Variants in CCNQ observed in about 807,000 individuals in gnomAD.
The protein encoded by CCNQ is cyclin Q.
CCNQ carries 3 observed loss-of-function variants against 17.7 expected under a neutral mutation model. The observed-to-expected ratio is 0.17, with a 90% confidence interval of 0.08 to 0.44. The LOEUF (loss-of-function observed/expected upper bound fraction) is 0.44, where lower values mean the gene tolerates loss of function less well. Ranked by LOEUF, CCNQ falls within the 20% of genes least tolerant of loss-of-function variation. The pLI is 0.99. For missense variants in CCNQ, 146 were observed against 222.6 expected, an observed-to-expected ratio of 0.66 and a Z score of 2.19; for synonymous variants, 73 against 96.0, an observed-to-expected ratio of 0.76 and a Z score of 1.40.
chrX:153,595,945 C>A, intron 2 of CCNQ, 59 bp downstream of exon 2: 1 of 1,182,948 alleles, frequency 8.5e-7, no homozygotes, highest in Non-Finnish European at 1.2e-6. Flanking sequence ...CCCATAGGAG[C>A]CTTCCCTGCC....
At position 153,592,634 on chromosome X, in the gene CCNQ, T is replaced by C; in HGVS notation, c.529A>G (p.Ser177Gly). Residue 177 changes from serine (S) to glycine (G), a missense_variant, in exon 4 of 5, where the codon AGC becomes GGC. Ser to Gly is a moderately conservative substitution (Grantham distance 56, BLOSUM62 0). Transcript: ENST00000576892. Reference protein sequence around the residue: ...AVTAWALLRDSYHGALCLRFQ... With the variant: ...AVTAWALLRDGYHGALCLRFQ... ...CGGAGGCACAGCGCCCCATGGTAGC[T>C]GTCCCGCAGCAGGGCCCAGGCGGTG... The C allele has an allele frequency of 8.3e-7, 1 of 1,211,111 alleles. No homozygotes were observed. Among genetic ancestry groups the C allele is most frequent in the Non-Finnish European group, 1.1e-6 (1 of 895,022 alleles).
rs1244381663 is a variant in CCNQ at position 153,588,143 on chromosome X, G to A, written c.*222C>T. On this transcript the variant is annotated 3_prime_UTR_variant, in exon 5 of 5. Transcript: ENST00000576892. ...GGTCAGCTGCACACAGTACACTCCC[G>A]GCCTGCCCGCTGGAGGCGCGGCTCC... The A allele has an allele frequency of 1.5e-5, 8 of 518,004 alleles. No individual in the cohort carries two copies. The highest frequency in any genetic ancestry group is 2.3e-5 in the African/African-American group (1 of 43,547). The allele number at this position is 518,004 out of a possible 1,213,427, so 42.7% of individuals were successfully genotyped here. A position where few individuals can be genotyped will look rare whatever the true frequency, so the allele number is the denominator to read the frequency against.
At chrX:153,594,417 G>T in intron 3 of CCNQ, 130 bp downstream of exon 3, 1 of 920,818 alleles carries the variant, frequency 1.1e-6, no homozygotes, top group Non-Finnish European at 1.6e-6. Context: ...AGGAGACCCA[G>T]TTCCCAGCCG....
Position 153,588,005 on chromosome X carries a change from A to G in CCNQ, c.*360T>C. On this transcript the variant is annotated 3_prime_UTR_variant, in exon 5 of 5. Transcript: ENST00000576892. ...ATTCTCCCTACAAATCTGGCTTTTAAGAAATCCGTAGGGATTCAGTCTCAT... is the reference window on the plus strand; with the variant it reads ...ATTCTCCCTACAAATCTGGCTTTTAGGAAATCCGTAGGGATTCAGTCTCAT... 2.8e-6 allele frequency: 1 copy of G among 353,845 alleles called. No individual in the cohort carries two copies. The highest frequency in any genetic ancestry group is 5.1e-6 in the Non-Finnish European group (1 of 197,228). 29.2% of individuals were successfully genotyped at this position (353,845 alleles called of 1,213,427 possible).
chrX:153,595,913 G>A, intron 2 of CCNQ, 91 bp downstream of exon 2: 1 of 1,058,473 alleles, frequency 9.4e-7, no homozygotes, highest in East Asian at 3.0e-5. Context: ...AAGCTCCATT[G>A]CTGGCACCTG....
intron 4 of CCNQ, among the ~76,000 whole-genome samples, chrX:153,590,231 TAAAAAAAAAA>T (rs59053078): frequency 1.5e-4 from 4 of 26,451 alleles, no homozygotes; most frequent in African/African-American, 3.5e-4. Context: ...CTGTCTCTAT[TAAAAAAAAAA>T]AAAAAAAAAA....
At position 153,590,816 on chromosome X, in the gene CCNQ, C is replaced by G. The variant is rs782495854; in HGVS notation, c.657+1690G>C. Among the ~76,000 whole-genome samples the G allele has an allele frequency of 9.5e-4, 106 of 112,039 alleles. 1 individual carries two copies. Among genetic ancestry groups the G allele is most frequent in the African/African-American group, 3.3e-3 (102 of 30,874 alleles). On this transcript the variant is annotated intron_variant, in intron 4 of 4. Transcript: ENST00000576892. ...CTCTGCCTTTTTGAGGGCAGTCCATCTGCTTATAAGACAAAAAGCAGCAGT... is the reference window on the plus strand; with the variant it reads ...CTCTGCCTTTTTGAGGGCAGTCCATGTGCTTATAAGACAAAAAGCAGCAGT...
chrX:153,592,557 G>C lies in CCNQ; in HGVS notation c.606C>G (p.Val202=). The C allele has an allele frequency of 7.4e-6, 9 of 1,212,195 alleles. No individual in the cohort carries two copies. The highest frequency in any genetic ancestry group is 8.9e-6 in the Non-Finnish European group (8 of 895,585). The stretch of plus-strand genomic sequence containing the variant: ...CCTCGGCGGGCACCTCAACTCCGTA[G>C]ACCTGCAGGGCCAGGTAGAGCACCG... ...AVAVLYLALQ[V]YGVEVPAEVE... is the part of the protein sequence containing the mutation. The change falls in exon 4 of 5, where the codon GTC becomes GTG. Residue 202 remains valine, a synonymous_variant. Transcript: ENST00000576892.
intron 3 of CCNQ, 129 bp downstream of exon 3, chrX:153,594,418 T>G: frequency 1.1e-6 from 1 of 920,871 alleles, no homozygotes; most frequent in Non-Finnish European, 1.6e-6. Context: ...GGAGACCCAG[T>G]TCCCAGCCGC....
At chrX:153,591,857 G>A (rs953704249) in intron 4 of CCNQ, among the ~76,000 whole-genome samples, 1 of 107,876 alleles carries the variant, frequency 9.3e-6, no homozygotes, top group Non-Finnish European at 1.9e-5. Flanking sequence ...ACAGCTGACT[G>A]GGGATACGAG....
chrX:153,588,386 G>A lies in CCNQ; in HGVS notation c.726C>T (p.Thr242=), dbSNP rs1557025048. The A allele has an allele frequency of 8.3e-7, 1 of 1,208,269 alleles. No individual in the cohort carries two copies. Among genetic ancestry groups the A allele is most frequent in the African/African-American group, 1.7e-5 (1 of 57,430 alleles). The change falls in exon 5 of 5, where the codon ACC becomes ACT. Residue 242 remains threonine (T), a synonymous_variant. Transcript: ENST00000576892. ...NIVSDLIQIY[T]MDTEIP ...GACCTTAGGGGATCTCTGTGTCCAT[G>A]GTATAAATCTGAATGAGATCAGACA... is the stretch of plus-strand genomic sequence containing the variant.
rs183758563 is a variant in CCNQ, at chrX:153,594,590, A to C, written c.386T>G (p.Leu129Arg). 8.3e-7 allele frequency: 1 copy of C among 1,209,623 alleles called. No individual in the cohort carries two copies. The highest frequency in any genetic ancestry group is 2.2e-5 in the Admixed American group (1 of 45,887). Residue 129 changes from leucine (L) to arginine (R), a missense_variant, in exon 3 of 5, where the codon CTG (leucine) becomes CGG (arginine). Physicochemically the swap from Leu to Arg is moderately radical, Grantham distance 102 (BLOSUM62 -2). Transcript: ENST00000576892. ...DSIVQCELLM[L>R]RVLRFQVSFQ... ...GGAGACCTGGAAGCGCAGAACTCTC[A>C]GCATGAGAAGCTCACACTGCACGAT...
Position 153,599,053 on chromosome X carries a change from G to A in CCNQ, c.21C>T (p.Gly7=), listed in dbSNP as rs1557027832. 3 of 1,066,855 alleles carry A rather than the reference G, an allele frequency of 2.8e-6. No individual in the cohort carries two copies. The highest frequency in any genetic ancestry group is 4.6e-5 in the South Asian group (2 of 43,292). The allele number at this position is 1,066,855 out of a possible 1,213,427, so 87.9% of individuals were successfully genotyped here. The change falls in exon 1 of 5, where the codon GGC becomes GGT. Residue 7 remains glycine (G), a synonymous_variant. Transcript: ENST00000576892. ...GGCCCCGCGCTGCAGGCCCCCCTCCGCCGCCCTCCGGGGCTTCCATGAGGC... is the reference window on the plus strand; with the variant it reads ...GGCCCCGCGCTGCAGGCCCCCCTCCACCGCCCTCCGGGGCTTCCATGAGGC... MEAPEG[G]GGGPAARGPE... is the part of the protein sequence containing the mutation.
At chrX:153,595,613 A>C (rs1172857175) in intron 2 of CCNQ, among the ~76,000 whole-genome samples, 3 of 112,795 alleles carry the variant, frequency 2.7e-5, no homozygotes, top group Admixed American at 9.3e-5. Flanking sequence ...GCTCCTAAGC[A>C]ACTGGGACCT....
intron 4 of CCNQ, among the ~76,000 whole-genome samples, chrX:153,590,367 T>G (rs1404452545): frequency 9.1e-6 from 1 of 109,507 alleles, no homozygotes; most frequent in Non-Finnish European, 1.9e-5. Flanking sequence ...AGAAAGGACA[T>G]TCTGAGACGG....
rs1168575172 is a variant in CCNQ, at chrX:153,594,532, T to C, written c.429+15A>G. The C allele has an allele frequency of 2.5e-6, 3 of 1,208,209 alleles. No individual in the cohort carries two copies. In the African/African-American group the frequency reaches 5.2e-5, roughly 21 times the overall value. ...TTGAGCCTCTCCAAACAGGCACCAG[T>C]TCCCCAGTATGTACCTTGTGTGGAT... On this transcript the variant is annotated intron_variant, in intron 3 of 4. Transcript: ENST00000576892.
intron 4 of CCNQ, among the ~76,000 whole-genome samples, chrX:153,591,809 C>T (rs963689584): frequency 1.8e-5 from 2 of 108,933 alleles, no homozygotes; most frequent in Admixed American, 1.0e-4. Flanking sequence ...CAGGGAGGCG[C>T]GGGAGACTGG....
intron 4 of CCNQ, among the ~76,000 whole-genome samples, chrX:153,589,387 G>A (rs1265981864): frequency 7.1e-5 from 8 of 112,998 alleles, no homozygotes; most frequent in Non-Finnish European, 9.4e-5. Flanking sequence ...GCGAGGAGCC[G>A]CTGAAGCTCA....
Position 153,590,375 on chromosome X carries a change from C to A in CCNQ, c.658-1921G>T, listed in dbSNP as rs782000212. Among the ~76,000 whole-genome samples, 7 of 109,970 alleles carry A rather than the reference C, an allele frequency of 6.4e-5. No homozygotes were observed. The South Asian group carries it at 2.7e-3, about 43-fold the overall frequency. The stretch of plus-strand genomic sequence containing the variant: ...CATCAAAAGAAAGGACATTCTGAGA[C>A]GGGGGCTCCAACATTGTGCTCAGCA... On this transcript the variant is annotated intron_variant, in intron 4 of 4. Transcript: ENST00000576892.
Sources: allele counts gnomAD v4.1 joint callset (sites outside exome capture counted in the v4.1 genomes callset), GRCh38; gene constraint gnomAD v4.1.1; transcripts MANE v1.5; gene names NCBI Gene and HGNC (gene_info 2026-07-23, HGNC 2026-07-21).